The following ENG variants were observed in gnomAD, a reference collection of about 807,000 sequenced individuals.
ENG encodes CD105 antigen.
In ENG, 17 loss-of-function variants were observed where a neutral mutation model predicts 71.0. The observed-to-expected ratio is 0.24, with a 90% CI of 0.16 to 0.36. The LOEUF (loss-of-function observed/expected upper bound fraction) is 0.36, where lower values mean the gene tolerates loss of function less well. Among genes scored for constraint, ENG ranks in the 10% least tolerant of loss-of-function variants. The pLI, the probability that ENG is intolerant of heterozygous loss-of-function variation, is 1.00. For synonymous variants in ENG, 360 were observed against 366.9 expected (o/e 0.98, Z 0.21); for missense variants, 749 against 868.3 (o/e 0.86, Z 1.73).
chr9:127,817,476 C>T, intron 12 of ENG: 1 of 531,914 alleles, frequency 1.9e-6, no homozygotes, highest in Non-Finnish European at 3.4e-6. Flanking sequence ...CATCCCTCAC[C>T]CTTGTGAACA....
Position 127,838,967 on chromosome 9 carries a change from C to G in ENG, c.219+4127G>C, listed in dbSNP as rs997075630. Among the ~76,000 whole-genome samples, 2 of 152,162 alleles carry G rather than the reference C, an allele frequency of 1.3e-5. No homozygotes were observed. The highest frequency in any genetic ancestry group is 4.8e-5 in the African/African-American group (2 of 41,430). On this transcript the variant is annotated intron_variant, in intron 2 of 14. Transcript: ENST00000373203. This position sits in a 1 kb window ranked among gnomAD's most constrained non-coding sequence, Gnocchi z 4.3. ...AAAGCCACTTCTCTGTGCCAGAGAT[C>G]GAAGAAGCCGGCCATAGGTCAGGAG...
chr9:127,824,345 C>T lies in ENG; in HGVS notation c.1093G>A (p.Asp365Asn), dbSNP rs548690138. Residue 365 changes from aspartate (D) to asparagine (N), a missense_variant, in exon 8 of 15, where the codon GAC (aspartate) becomes AAC (asparagine). Asp to Asn is a conservative substitution (Grantham distance 23). Transcript: ENST00000373203. Reference protein sequence around the residue: ...LMSLIQTKCADDAMTLVLKKE... With the variant: ...LMSLIQTKCANDAMTLVLKKE... The stretch of plus-strand genomic sequence containing the variant: ...TTTAGTACCAGGGTCATGGCGTCGT[C>T]GGCACACTTTGTCTGGATCAAGGAC... The T allele has an allele frequency of 1.9e-5, 31 of 1,613,982 alleles. No homozygotes were observed. Among genetic ancestry groups the T allele is most frequent in the South Asian group, 9.9e-5 (9 of 91,062 alleles).
At position 127,831,535 on chromosome 9, in the gene ENG, C is replaced by T. The variant is rs546432587; in HGVS notation, c.220-1708G>A. Among the ~76,000 whole-genome samples the T allele has an allele frequency of 1.3e-3, 192 of 151,046 alleles. 2 individuals are homozygous for T. Among genetic ancestry groups the T allele is most frequent in the African/African-American group, 4.4e-3 (180 of 41,084 alleles). ...CCCGAGTAGCTGGGACTATAGGCGC[C>T]CACTACCATGCCTGGCTAAGTTTTG... is the stretch of plus-strand genomic sequence containing the variant. On this transcript the variant is annotated intron_variant, in intron 2 of 14. Transcript: ENST00000373203.
At chr9:127,843,732 C>CACATATATATATATATATATATATATAT (rs1554812389) in intron 1 of ENG, among the ~76,000 whole-genome samples, 1 of 12,754 alleles carries the variant, frequency 7.8e-5, no homozygotes, top group African/African-American at 2.4e-4. Context: ...CACACATCCA[C>CACATATATATATATATATATATATATAT]ATACATATAT....
rs1323839033 is a variant in ENG at position 127,815,748 on chromosome 9, G to A, written c.1911C>T (p.Ser637=). The A allele has an allele frequency of 6.5e-7, 1 of 1,549,910 alleles. No individual in the cohort carries two copies. Among genetic ancestry groups the A allele is most frequent in the Non-Finnish European group, 8.7e-7 (1 of 1,151,392 alleles). ...TCCCGATGCTGTGGTTGGTGCTGCT[G>A]CTCTCCGAGGAGGCCGGGGCAGCCA... ...VAVAAPASSE[S]SSTNHSIGST... The change falls in exon 15 of 15, where the codon AGC becomes AGT. Residue 637 remains serine (S), a synonymous_variant. Coordinates refer to ENST00000373203, the MANE Select transcript of ENG (RefSeq NM_001114753.3).
chr9:127,834,383 G>T (rs938460047), intron 2 of ENG, among the ~76,000 whole-genome samples: 2 of 149,052 alleles, frequency 1.3e-5, no homozygotes, highest in African/African-American at 5.0e-5. Flanking sequence ...GACTACAGGT[G>T]TGCGCCACCA....
intron 2 of ENG, among the ~76,000 whole-genome samples, chr9:127,835,049 T>A (rs1288057520): frequency 6.6e-6 from 1 of 152,158 alleles, no homozygotes. Flanking sequence ...TTGCCCAGGC[T>A]GGAGTACAGT....
intron 12 of ENG, 84 bp from the exon 13 acceptor site, chr9:127,817,287 C>A: frequency 7.1e-7 from 1 of 1,418,068 alleles, no homozygotes; most frequent in Non-Finnish European, 9.9e-7. Context: ...CCCCAGCCCA[C>A]CCTAGAGCCT....
chr9:127,818,026 GC>G, intron 12 of ENG, 93 bp downstream of exon 12: 1 of 1,589,958 alleles, frequency 6.3e-7, no homozygotes, highest in Non-Finnish European at 8.6e-7. Flanking sequence ...TCACCAGCTG[GC>G]CCCACATCCC....
rs1830282954 is a variant in ENG, at chr9:127,815,481, G to C, written c.*201C>G. The C allele has an allele frequency of 4.8e-6, 5 of 1,034,712 alleles. No homozygotes were observed. The highest frequency in any genetic ancestry group is 1.6e-5 in the African/African-American group (1 of 61,810). The allele number at this position is 1,034,712 out of a possible 1,614,324, so 64.1% of individuals were successfully genotyped here. A position where few individuals can be genotyped will look rare whatever the true frequency, so the allele number is the denominator to read the frequency against. Reference sequence around the variant, plus strand: ...AGACCCACTGGGTTGAAGGTTCTGTGGGGTGGAGGGACCCCAAGGTGTTCC... The same window carrying C: ...AGACCCACTGGGTTGAAGGTTCTGTCGGGTGGAGGGACCCCAAGGTGTTCC... On this transcript the variant is annotated 3_prime_UTR_variant, in exon 15 of 15. Coordinates refer to ENST00000373203, the MANE Select transcript of ENG (RefSeq NM_001114753.3).
intron 2 of ENG, among the ~76,000 whole-genome samples, chr9:127,837,449 C>G (rs1455165937): frequency 6.6e-6 from 1 of 152,094 alleles, no homozygotes; most frequent in Non-Finnish European, 1.5e-5. Flanking sequence ...TGAGGGGGCC[C>G]CTGGTACCTC....
intron 3 of ENG, among the ~76,000 whole-genome samples, chr9:127,829,154 A>G (rs964076304): frequency 1.3e-5 from 2 of 152,202 alleles, no homozygotes; most frequent in African/African-American, 4.8e-5. Flanking sequence ...TTTTTTAAAA[A>G]TACTTTTTTC....
In ENG at chr9:127,854,378, C is replaced by T. The variant is rs1311087483; in HGVS notation, c.-23G>A. 9 of 1,571,660 alleles carry T rather than the reference C, an allele frequency of 5.7e-6. No individual in the cohort carries two copies. Among genetic ancestry groups the T allele is most frequent in the South Asian group, 3.5e-5 (3 of 85,548 alleles). On this transcript the variant is annotated 5_prime_UTR_variant, in exon 1 of 15. Coordinates refer to ENST00000373203, the MANE Select transcript of ENG (RefSeq NM_001114753.3). Reference sequence around the variant, plus strand: ...CATGCTGTCCACGTGGGGGCCTGTGCGCTGGGCCTTATCCTGTGTCCAGTG... The same window carrying T: ...CATGCTGTCCACGTGGGGGCCTGTGTGCTGGGCCTTATCCTGTGTCCAGTG...
At chr9:127,835,235 A>T (rs1430980322) in intron 2 of ENG, among the ~76,000 whole-genome samples, 4 of 151,638 alleles carry the variant, frequency 2.6e-5, no homozygotes, top group Non-Finnish European at 5.9e-5. Flanking sequence ...CTAGACTCAA[A>T]CAATCCACCC....
chr9:127,826,687 G>A lies in ENG; in HGVS notation c.361-15C>T. 5 of 1,613,014 alleles carry A rather than the reference G, an allele frequency of 3.1e-6. No individual in the cohort carries two copies. The highest frequency in any genetic ancestry group is 4.2e-6 in the Non-Finnish European group (5 of 1,179,970). ...AGGCTGGAATTCTGGGGAGACATGT[G>A]GAGGCTCAGCACGCTGTTCCTGGCC... On this transcript the variant is annotated splice_polypyrimidine_tract_variant and intron_variant, in intron 3 of 14. Coordinates refer to ENST00000373203, the MANE Select transcript of ENG (RefSeq NM_001114753.3).
intron 2 of ENG, among the ~76,000 whole-genome samples, chr9:127,831,159 A>AT (rs548554493): frequency 0.059 from 7,884 of 132,942 alleles, 335 homozygotes; most frequent in African/African-American, 0.11. Flanking sequence ...CGTAAATACC[A>AT]TTTTTTTTTT....
intron 1 of ENG, among the ~76,000 whole-genome samples, chr9:127,843,931 C>G (rs1364668545): frequency 6.8e-6 from 1 of 146,598 alleles, no homozygotes; most frequent in African/African-American, 2.5e-5. Context: ...ACCACCACAC[C>G]CAGCTAATTT....
intron 3 of ENG, among the ~76,000 whole-genome samples, chr9:127,828,450 A>AGCAGCGCGGCCCCAGGAGGAAG (rs1401162551): frequency 1.3e-5 from 2 of 152,174 alleles, no homozygotes; most frequent in East Asian, 3.9e-4. Flanking sequence ...CCGCTCGGGA[A>AGCAGCGCGGCCCCAGGAGGAAG]GCAGCGCGGC....
At chr9:127,817,676 G>A in intron 12 of ENG, 1 of 350,628 alleles carries the variant, frequency 2.9e-6, no homozygotes, top group East Asian at 7.1e-5. Context: ...CTGAGAGTGG[G>A]GGTCACCAGA....
Sources: gnomAD v4.1 joint callset for allele counts (sites outside exome capture counted in the v4.1 genomes callset) on GRCh38, gnomAD v4.1.1 for gene constraint, Gnocchi (gnomAD v3.1) non-coding constraint, MANE v1.5 for transcripts, NCBI Gene and HGNC (gene_info 2026-07-23, HGNC 2026-07-21) for gene names.